Variants in C6orf132 observed in about 807,000 individuals in gnomAD.
C6orf132 encodes the protein chromosome 6 open reading frame 132.
Under a neutral mutation model 65.3 loss-of-function variants are expected in C6orf132, and 43 were observed. That is an observed-to-expected ratio of 0.66 (90% CI 0.52 to 0.85). The LOEUF is 0.85. Ranked by LOEUF, C6orf132 falls within the 40% of genes least tolerant of loss-of-function variation. C6orf132 has a pLI of 0.00. For missense variants in C6orf132, 1,488 were observed against 1,548.8 expected (o/e 0.96, Z 0.66); for synonymous variants, 631 against 654.1 (o/e 0.96, Z 0.54).
chr6:42,119,660 T>C (rs1384629075), intron 2 of C6orf132, among the ~76,000 whole-genome samples: 2 of 151,964 alleles, frequency 1.3e-5, no homozygotes, highest in Admixed American at 1.3e-4. Flanking sequence ...CCAGCTTGTT[T>C]TTATATTTTT....
At chr6:42,113,036 A>C (rs576750576) in intron 2 of C6orf132, among the ~76,000 whole-genome samples, 3 of 151,986 alleles carry the variant, frequency 2.0e-5, no homozygotes, top group Non-Finnish European at 4.4e-5. Context: ...CCTGTTCTCA[A>C]CTTTTCTCAA....
At chr6:42,123,442 A>AAGAAGGAGAAGAAGG (rs200502725) in intron 2 of C6orf132, among the ~76,000 whole-genome samples, 40 of 82,666 alleles carry the variant, frequency 4.8e-4, no homozygotes, top group African/African-American at 2.2e-3. Context: ...GGAGAAGGAG[A>AAGAAGGAGAAGAAGG]AGAAGGAGAA....
At chr6:42,116,216 C>G (rs899703159) in intron 2 of C6orf132, among the ~76,000 whole-genome samples, 1 of 152,080 alleles carries the variant, frequency 6.6e-6, no homozygotes, top group Non-Finnish European at 1.5e-5. Context: ...GCATGAGCCA[C>G]TGTGCCCAGC....
In C6orf132 at chr6:42,106,888, G is replaced by T; in HGVS notation, c.1024C>A (p.Pro342Thr). Residue 342 changes from proline to threonine, a missense_variant, in exon 4 of 5, where the codon CCC (proline) becomes ACC (threonine). Pro to Thr is a conservative substitution (Grantham distance 38). Transcript: ENST00000341865. ...GAGGCGGGGCGGATGTGGAAGCTGG[G>T]AGGCAGTGGGAGTCGGCTGGGAGCC... ...KKAPSRLPLP[P>T]SFHIRPASQV... 1 of 1,535,782 alleles carries T rather than the reference G, an allele frequency of 6.5e-7. No homozygotes were observed. The highest frequency in any genetic ancestry group is 8.7e-7 in the Non-Finnish European group (1 of 1,146,126).
At position 42,124,292 on chromosome 6, in the gene C6orf132, C is replaced by T. The variant is rs114826908; in HGVS notation, c.252+4380G>A. The stretch of plus-strand genomic sequence containing the variant: ...GCTGCTGGATGCCTGATAAACACTT[C>T]GTAATTCCCAGCACCCACAGCACAC... On this transcript the variant is annotated intron_variant, in intron 2 of 4. Transcript: ENST00000341865. The surrounding 1 kb of genome is among the most constrained non-coding windows in gnomAD (Gnocchi z 4.0). Among the ~76,000 whole-genome samples, 2,759 of 152,338 alleles carry T rather than the reference C, an allele frequency of 0.018. 47 individuals carry two copies. Among genetic ancestry groups the T allele is most frequent in the African/African-American group, 0.04 (1,663 of 41,576 alleles).
At chr6:42,125,432 A>G (rs1419652043) in intron 2 of C6orf132, among the ~76,000 whole-genome samples, 3 of 152,190 alleles carry the variant, frequency 2.0e-5, no homozygotes, top group Non-Finnish European at 2.9e-5. Context: ...GTGAGTGCTC[A>G]GCATACGGTG....
In C6orf132 at chr6:42,105,408, C is replaced by T. The variant is rs1405776401; in HGVS notation, c.2504G>A (p.Arg835Gln). 2.0e-6 allele frequency: 3 copies of T among 1,535,540 alleles called. No homozygotes were observed. The highest frequency in any genetic ancestry group is 2.0e-5 in the Admixed American group (1 of 50,980). ...RHPVTGEVVE[R>Q]GSPMALLLAA... ...CAGGAGCAGGGCCATCGGCGAGCCC[C>T]GCTCCACCACCTCCCCAGTCACCGG... The change falls in exon 4 of 5, where the codon CGG becomes CAG. Residue 835 changes from arginine to glutamine, a missense_variant. By Grantham distance (43) the Arg-to-Gln change is conservative. Coordinates refer to ENST00000341865, the MANE Select transcript of C6orf132 (RefSeq NM_001164446.3).
intron 2 of C6orf132, among the ~76,000 whole-genome samples, chr6:42,128,232 A>T (rs112674757): frequency 4.0e-4 from 61 of 151,574 alleles, no homozygotes; most frequent in African/African-American, 1.4e-3. Flanking sequence ...CCACAATGAC[A>T]CTCTTTTGAA....
rs1554181597 is a variant in C6orf132, at chr6:42,104,265, G to GAGC, written c.3449+197_3449+198insGCT. On this transcript the variant is annotated intron_variant, in intron 4 of 4. Coordinates refer to ENST00000341865, the MANE Select transcript of C6orf132 (RefSeq NM_001164446.3). This position sits in a 1 kb window ranked among gnomAD's most constrained non-coding sequence, Gnocchi z 4.1. The stretch of plus-strand genomic sequence containing the variant: ...GACGAGAGGAGCTGGTGGGGAAAGA[G>GAGC]AAGGGAGGTCAGGAGGGAGGTCAGG... Among the ~76,000 whole-genome samples, 1 of 152,258 alleles carries GAGC rather than the reference G, an allele frequency of 6.6e-6. No individual in the cohort carries two copies. The highest frequency in any genetic ancestry group is 2.4e-5 in the African/African-American group (1 of 41,468).
Position 42,106,119 on chromosome 6 carries a change from C to A in C6orf132, c.1793G>T (p.Gly598Val). The A allele has an allele frequency of 3.3e-6, 5 of 1,537,252 alleles. No homozygotes were observed. Among genetic ancestry groups the A allele is most frequent in the Non-Finnish European group, 4.4e-6 (5 of 1,146,910 alleles). Residue 598 changes from glycine to valine, a missense_variant, in exon 4 of 5, where the codon GGA (glycine) becomes GTA (valine). Physicochemically the swap from Gly to Val is moderately radical, Grantham distance 109. Transcript: ENST00000341865. ...SLPPKPRLEG[G>V]RICENGADDD... ...ATCAGCCCCGTTTTCACAAATTCTT[C>A]CCCCTTCTAGCCGAGGCTTAGGGGG...
At chr6:42,109,897 A>G (rs1298905723) in intron 3 of C6orf132, among the ~76,000 whole-genome samples, 4 of 152,172 alleles carry the variant, frequency 2.6e-5, no homozygotes, top group African/African-American at 7.2e-5. Flanking sequence ...AGCAAAGTGA[A>G]TATGTGGGGA....
At chr6:42,125,567 A>G (rs943870170) in intron 2 of C6orf132, among the ~76,000 whole-genome samples, 1 of 152,106 alleles carries the variant, frequency 6.6e-6, no homozygotes, top group African/African-American at 2.4e-5. Context: ...GCCTCTGTAA[A>G]ATGAGGCCCC....
At chr6:42,110,315 A>G (rs1227072413) in intron 2 of C6orf132, 24 bp from the exon 3 acceptor site, 2 of 1,528,082 alleles carry the variant, frequency 1.3e-6, no homozygotes. Context: ...GAAAGAAATC[A>G]GGGGACAGGG....
At chr6:42,112,614 A>G (rs1406201944) in intron 2 of C6orf132, among the ~76,000 whole-genome samples, 2 of 152,192 alleles carry the variant, frequency 1.3e-5, no homozygotes. Context: ...ACACTGACCC[A>G]CTGCTACCCA....
chr6:42,108,002 G>A (rs537917217), intron 3 of C6orf132, among the ~76,000 whole-genome samples: 2 of 152,150 alleles, frequency 1.3e-5, no homozygotes, highest in Non-Finnish European at 2.9e-5. Context: ...AGGTCCTGTC[G>A]GGGTGTCCCT....
intron 1 of C6orf132, among the ~76,000 whole-genome samples, chr6:42,140,767 C>T (rs560354255): frequency 6.6e-6 from 1 of 152,320 alleles, no homozygotes; most frequent in African/African-American, 2.4e-5. Flanking sequence ...GTGCCTGACT[C>T]TAGATGAGAT....
chr6:42,103,784 C>A lies in C6orf132; in HGVS notation c.3544G>T (p.Ala1182Ser). The A allele has an allele frequency of 1.4e-6, 2 of 1,457,638 alleles. No individual in the cohort carries two copies. The highest frequency in any genetic ancestry group is 2.9e-5 in the African/African-American group (2 of 69,416). 90.3% of individuals were successfully genotyped at this position (1,457,638 alleles called of 1,614,324 possible). The part of the protein sequence containing the change: ...RHPISYVCSG[A>S]HRKATS ...GCTCAGGAGGTGGCTTTCCGATGGG[C>A]CCCTGAGCAGACATAGGAGATGGGA... is the stretch of plus-strand genomic sequence containing the variant. The change falls in exon 5 of 5, where the codon GCC becomes TCC. Residue 1182 changes from alanine to serine, a missense_variant. Coordinates refer to ENST00000341865, the MANE Select transcript of C6orf132 (RefSeq NM_001164446.3).
In C6orf132 at chr6:42,105,958, G is replaced by A. The variant is rs889056633; in HGVS notation, c.1954C>T (p.Pro652Ser). Residue 652 changes from proline (P) to serine (S), a missense_variant, in exon 4 of 5, where the codon CCA becomes TCA. Physicochemically the swap from Pro to Ser is moderately conservative, Grantham distance 74. Coordinates refer to ENST00000341865, the MANE Select transcript of C6orf132 (RefSeq NM_001164446.3). ...PPKATPEPAI[P>S]PKATLWPATP... ...GCTGGCCAAAGTGTAGCCTTGGGTG[G>A]TATGGCTGGCTCAGGTGTGGCCTTG... is the stretch of plus-strand genomic sequence containing the variant. 3 of 1,537,096 alleles carry A rather than the reference G, an allele frequency of 2.0e-6. No homozygotes were observed. In the Admixed American group the frequency reaches 5.9e-5, roughly 30 times the overall value.
chr6:42,105,944 T>G lies in C6orf132; in HGVS notation c.1968A>C (p.Thr656=). The G allele has an allele frequency of 6.5e-7, 1 of 1,536,972 alleles. No individual in the cohort carries two copies. The highest frequency in any genetic ancestry group is 8.7e-7 in the Non-Finnish European group (1 of 1,146,830). ...TPEPAIPPKA[T]LWPATPPKAT... ...CCTTGGGTGGTGTGGCTGGCCAAAGTGTAGCCTTGGGTGGTATGGCTGGCT... is the reference window on the plus strand; with the variant it reads ...CCTTGGGTGGTGTGGCTGGCCAAAGGGTAGCCTTGGGTGGTATGGCTGGCT... Residue 656 remains threonine (T), a synonymous_variant, in exon 4 of 5, where the codon ACA becomes ACC. Transcript: ENST00000341865.
Sources: allele counts gnomAD v4.1 joint callset (sites outside exome capture counted in the v4.1 genomes callset), GRCh38; gene constraint gnomAD v4.1.1; non-coding constraint Gnocchi (gnomAD v3.1); transcripts MANE v1.5; gene names NCBI Gene and HGNC (gene_info 2026-07-23, HGNC 2026-07-21).